Variants in MRPS6 observed in about 807,000 individuals in gnomAD.
MRPS6 encodes small ribosomal subunit protein bS6m.
MRPS6 carries 6 observed loss-of-function variants against 13.1 expected under a neutral mutation model. That is an observed-to-expected ratio of 0.46 (90% CI 0.25 to 0.91). The LOEUF (loss-of-function observed/expected upper bound fraction) is 0.91. Among genes scored for constraint, MRPS6 ranks in the 40% least tolerant of loss-of-function variants. The pLI is 0.18. For synonymous variants in MRPS6, 61 were observed against 56.5 expected, an observed-to-expected ratio of 1.08 and a Z score of -0.36; for missense variants, 164 against 155.6, an observed-to-expected ratio of 1.05 and a Z score of -0.29.
chr21:34,074,021 G>A (rs1292904866), intron 1 of MRPS6, among the ~76,000 whole-genome samples: 1 of 146,294 alleles, frequency 6.8e-6, no homozygotes, highest in Non-Finnish European at 1.5e-5. Flanking sequence ...CGGGGGGCGG[G>A]GCGGACCGAG....
chr21:34,118,588 A>G (rs572282259), intron 1 of MRPS6, among the ~76,000 whole-genome samples: 1 of 139,214 alleles, frequency 7.2e-6, no homozygotes, highest in Non-Finnish European at 1.5e-5. Flanking sequence ...ACAGAGTCTC[A>G]GCTCACTACA....
chr21:34,139,286 T>C (rs943893943), intron 2 of MRPS6, among the ~76,000 whole-genome samples: 1 of 151,658 alleles, frequency 6.6e-6, no homozygotes, highest in Admixed American at 6.6e-5. Flanking sequence ...TGTATACATA[T>C]GTAACTAACC....
chr21:34,074,997 G>T (rs1478691615), intron 1 of MRPS6, among the ~76,000 whole-genome samples: 4 of 152,222 alleles, frequency 2.6e-5, no homozygotes, highest in Non-Finnish European at 4.4e-5. Context: ...CATGGATTTG[G>T]AAGAAGTTAA....
chr21:34,100,110 G>A, intron 1 of MRPS6: 1 of 999,108 alleles, frequency 1.0e-6, no homozygotes, highest in African/African-American at 1.7e-5. Flanking sequence ...CTAAGGTTCA[G>A]AATTGAAGCT....
chr21:34,103,048 C>G (rs532661552), intron 1 of MRPS6: 1 of 999,916 alleles, frequency 1.0e-6, no homozygotes, highest in Non-Finnish European at 1.2e-6. Flanking sequence ...GCCTAGACTT[C>G]TGTAAGTGGA....
At chr21:34,124,323 A>G (rs1291395704) in intron 1 of MRPS6, 1 of 152,166 alleles carries the variant, frequency 6.6e-6, no homozygotes, top group Non-Finnish European at 1.5e-5. Context: ...TCTTGCCTTC[A>G]TTCTCCACAT....
chr21:34,128,620 C>T (rs1008411109), intron 2 of MRPS6, among the ~76,000 whole-genome samples: 4 of 152,072 alleles, frequency 2.6e-5, no homozygotes, highest in African/African-American at 9.7e-5. Flanking sequence ...GGTTGTGTTC[C>T]AGAAATTTGC....
intron 2 of MRPS6, among the ~76,000 whole-genome samples, chr21:34,130,933 T>G (rs1422610411): frequency 1.3e-5 from 2 of 152,232 alleles, no homozygotes; most frequent in Non-Finnish European, 2.9e-5. Context: ...CTTTAAAATG[T>G]AAACACTGCT....
chr21:34,110,162 C>T (rs1979640383), intron 1 of MRPS6, among the ~76,000 whole-genome samples: 1 of 152,110 alleles, frequency 6.6e-6, no homozygotes, highest in African/African-American at 2.4e-5. Context: ...TTCAAAGGGG[C>T]CTTAAAAGCT....
chr21:34,086,274 A>G (rs1391302379), intron 1 of MRPS6, among the ~76,000 whole-genome samples: 1 of 152,178 alleles, frequency 6.6e-6, no homozygotes, highest in South Asian at 2.1e-4. Context: ...TCACATCAAG[A>G]GGGACACATG....
intron 1 of MRPS6, among the ~76,000 whole-genome samples, chr21:34,108,968 C>T (rs1979591103): frequency 1.3e-5 from 2 of 152,110 alleles, no homozygotes; most frequent in Admixed American, 1.3e-4. Context: ...AGCTCTTGGA[C>T]CTCCTGGACT....
chr21:34,075,226 C>T (rs764977741), intron 1 of MRPS6, among the ~76,000 whole-genome samples: 4 of 152,152 alleles, frequency 2.6e-5, no homozygotes, highest in Non-Finnish European at 5.9e-5. Context: ...TGTTTACTTT[C>T]CTTGTCTTGG....
intron 1 of MRPS6, among the ~76,000 whole-genome samples, chr21:34,079,815 GTTCTC>G (rs1483518000): frequency 1.3e-5 from 2 of 151,810 alleles, no homozygotes; most frequent in African/African-American, 4.8e-5. Context: ...GGCATTTTCT[GTTCTC>G]TTCTGTGCTG....
intron 2 of MRPS6, among the ~76,000 whole-genome samples, chr21:34,137,332 G>C (rs1267938208): frequency 6.6e-6 from 1 of 152,040 alleles, no homozygotes; most frequent in Admixed American, 6.5e-5. Context: ...GATAGATTTT[G>C]TTTCTTTCAG....
rs1250141915 is a variant in MRPS6 at position 34,096,999 on chromosome 21, G to A, written c.45+23254G>A. 6.2e-7 allele frequency: 1 copy of A among 1,614,096 alleles called. No homozygotes were observed. Among genetic ancestry groups the A allele is most frequent in the Admixed American group, 1.7e-5 (1 of 60,024 alleles). Reference sequence around the variant, plus strand: ...AGACAGCATTAAGGGCCTTCAGCCTGAAGATGTTAATCTGTTGGTAACCTG... The same window carrying A: ...AGACAGCATTAAGGGCCTTCAGCCTAAAGATGTTAATCTGTTGGTAACCTG... On this transcript the variant is annotated intron_variant, in intron 1 of 2. Coordinates refer to ENST00000399312, the MANE Select transcript of MRPS6 (RefSeq NM_032476.4). The surrounding 1 kb of genome is among the most constrained non-coding windows in gnomAD (Gnocchi z 5.9).
At position 34,073,693 on chromosome 21, in the gene MRPS6, C is replaced by T. The variant is rs1289513675; in HGVS notation, c.-8C>T. The T allele has an allele frequency of 1.2e-5, 18 of 1,521,210 alleles. No homozygotes were observed. Among genetic ancestry groups the T allele is most frequent in the Non-Finnish European group, 1.5e-5 (17 of 1,126,856 alleles). 94.2% of individuals were successfully genotyped at this position (1,521,210 alleles called of 1,614,324 possible). A position where few individuals can be genotyped will look rare whatever the true frequency, so the allele number is the denominator to read the frequency against. On this transcript the variant is annotated 5_prime_UTR_variant, in exon 1 of 3. Coordinates refer to ENST00000399312, the MANE Select transcript of MRPS6 (RefSeq NM_032476.4). ...GGCTTCCGAGCCGCACTCGCCGATC[C>T]TCCAGGCATGCCCCGCTACGAGCTG...
chr21:34,139,358 C>G (rs1468542422), intron 2 of MRPS6, among the ~76,000 whole-genome samples: 1 of 151,976 alleles, frequency 6.6e-6, no homozygotes, highest in Non-Finnish European at 1.5e-5. Flanking sequence ...GGTATTTTTG[C>G]CTTAAATGTT....
chr21:34,127,224 C>T (rs1355296437), intron 2 of MRPS6, among the ~76,000 whole-genome samples: 1 of 152,204 alleles, frequency 6.6e-6, no homozygotes, highest in African/African-American at 2.4e-5. Context: ...TATATAGACA[C>T]AGAAAGGTAG....
chr21:34,139,263 C>T (rs1980821358), intron 2 of MRPS6, among the ~76,000 whole-genome samples: 1 of 151,230 alleles, frequency 6.6e-6, no homozygotes, highest in Admixed American at 6.6e-5. Flanking sequence ...GTACAGCACA[C>T]CAGCATGGCA....
Sources: gnomAD v4.1 joint callset for allele counts (sites outside exome capture counted in the v4.1 genomes callset) on GRCh38, gnomAD v4.1.1 for gene constraint, Gnocchi (gnomAD v3.1) non-coding constraint, MANE v1.5 for transcripts, NCBI Gene and HGNC (gene_info 2026-07-23, HGNC 2026-07-21) for gene names.